The following BCAS3 variants were observed in gnomAD, a reference collection of about 807,000 sequenced individuals.
BCAS3 encodes BCAS4/BCAS3 fusion.
A neutral mutation model predicts 116.1 loss-of-function variants in BCAS3; 53 were observed. The ratio of observed to expected loss-of-function variants is 0.46; its 90% CI spans 0.37 to 0.57. BCAS3 has a LOEUF of 0.57. BCAS3 is among the 20% of genes least tolerant of loss of function. BCAS3 has a pLI of 0.00. For missense variants in BCAS3, 917 were observed against 1,165.4 expected (o/e 0.79, Z 3.10); for synonymous variants, 391 against 408.2 (o/e 0.96, Z 0.51).
intron 7 of BCAS3, among the ~76,000 whole-genome samples, chr17:60,842,074 T>C (rs958628107): frequency 1.3e-5 from 2 of 152,240 alleles, no homozygotes; most frequent in African/African-American, 4.8e-5. Context: ...TTTTTAGGTA[T>C]GTTATACTTC....
At position 61,388,062 on chromosome 17, in the gene BCAS3, A is replaced by T. The variant is rs1264393838; in HGVS notation, c.2594-3915A>T. ...ACACTTCCCTCATTTCCTGCCACAG[A>T]GCCCCCAGCACTCTCTTTCGGGCCC... is the stretch of plus-strand genomic sequence containing the variant. On this transcript the variant is annotated intron_variant, in intron 23 of 23. Coordinates refer to ENST00000407086, the MANE Select transcript of BCAS3 (RefSeq NM_017679.5). The surrounding 1 kb of genome is among the most constrained non-coding windows in gnomAD (Gnocchi z 6.5). Among the ~76,000 whole-genome samples, 7 of 152,118 alleles carry T rather than the reference A, an allele frequency of 4.6e-5. No individual in the cohort carries two copies. Among genetic ancestry groups the T allele is most frequent in the Admixed American group, 1.3e-4 (2 of 15,280 alleles).
At chr17:60,839,513 A>T (rs1030506172) in intron 7 of BCAS3, among the ~76,000 whole-genome samples, 1 of 151,442 alleles carries the variant, frequency 6.6e-6, no homozygotes, top group Non-Finnish European at 1.5e-5. Context: ...CCCAGTGTTT[A>T]TTGAGAACTC....
At chr17:61,331,243 C>G (rs767957925) in intron 22 of BCAS3, among the ~76,000 whole-genome samples, 1 of 152,138 alleles carries the variant, frequency 6.6e-6, no homozygotes, top group Non-Finnish European at 1.5e-5. Context: ...TTTGGCTGGA[C>G]AGTTGCCAAA....
chr17:60,847,393 T>C (rs983351402), intron 7 of BCAS3, among the ~76,000 whole-genome samples: 3 of 152,222 alleles, frequency 2.0e-5, no homozygotes, highest in African/African-American at 7.2e-5. Context: ...GTTTAACTTT[T>C]TGAGGTACTG....
chr17:61,391,875 G>A lies in BCAS3; in HGVS notation c.2594-102G>A. 3.8e-6 allele frequency: 5 copies of A among 1,315,120 alleles called. No homozygotes were observed. Among genetic ancestry groups the A allele is most frequent in the Non-Finnish European group, 5.3e-6 (5 of 949,796 alleles). The allele number at this position is 1,315,120 out of a possible 1,614,324, so 81.5% of individuals were successfully genotyped here. The stretch of plus-strand genomic sequence containing the variant: ...GATCCCCCTGCGGAAGGACACAAGT[G>A]AACCCAGAATGGTGCCTCAAGGCAG... On this transcript the variant is annotated intron_variant, in intron 23 of 23. Transcript: ENST00000407086. This position sits in a 1 kb window ranked among gnomAD's most constrained non-coding sequence, Gnocchi z 7.7.
At position 61,018,290 on chromosome 17, in the gene BCAS3, G is replaced by GTTTTT. The variant is rs10570881; in HGVS notation, c.1637+2414_1637+2418dup. ...AATTCTTGTCTACCCAAATTCCCCA[G>GTTTTT]TTTTTTTTTTTTTTTTTTTTTTTTT... On this transcript the variant is annotated intron_variant, in intron 16 of 23. Transcript: ENST00000407086. 1.2e-4 allele frequency among the ~76,000 whole-genome samples: 10 copies of GTTTTT among 83,066 alleles called. 1 individual carries two copies. Among genetic ancestry groups the GTTTTT allele is most frequent in the African/African-American group, 2.4e-4 (5 of 20,442 alleles). The allele number at this position is 83,066 out of a possible 152,430, so 54.5% of individuals were successfully genotyped here. A position where few individuals can be genotyped will look rare whatever the true frequency, so the allele number is the denominator to read the frequency against.
In BCAS3 at chr17:61,388,860, G is replaced by A. The variant is rs558123211; in HGVS notation, c.2594-3117G>A. ...GAGCAGAAGGGGTCTGAGAGGAGGC[G>A]TGGAGAAAAGCGCCCACAAAGCTGC... is the stretch of plus-strand genomic sequence containing the variant. On this transcript the variant is annotated intron_variant, in intron 23 of 23. Transcript: ENST00000407086. The surrounding 1 kb of genome is among the most constrained non-coding windows in gnomAD (Gnocchi z 6.5). 3.8e-4 allele frequency: 285 copies of A among 743,842 alleles called. 1 individual carries two copies. In the African/African-American group the frequency reaches 4.4e-3, roughly 11 times the overall value. 46.1% of individuals were successfully genotyped at this position (743,842 alleles called of 1,614,324 possible).
At chr17:61,353,359 C>T (rs866584492) in intron 22 of BCAS3, among the ~76,000 whole-genome samples, 4 of 152,298 alleles carry the variant, frequency 2.6e-5, no homozygotes, top group Middle Eastern at 3.4e-3. Flanking sequence ...TATTAAAATG[C>T]AGCTGGTGAC....
intron 7 of BCAS3, among the ~76,000 whole-genome samples, chr17:60,863,282 C>G (rs1233387681): frequency 6.6e-6 from 1 of 152,132 alleles, no homozygotes; most frequent in Non-Finnish European, 1.5e-5. Flanking sequence ...TATACCAGTA[C>G]CATACTATCC....
chr17:61,333,611 CTTTCTTTTTT>C lies in BCAS3; in HGVS notation c.2426-34702_2426-34693del, dbSNP rs1320257847. 2.7e-5 allele frequency among the ~76,000 whole-genome samples: 4 copies of C among 150,254 alleles called. No homozygotes were observed. The South Asian group carries it at 6.3e-4, about 24-fold the overall frequency. On this transcript the variant is annotated intron_variant, in intron 22 of 23. Transcript: ENST00000407086. This position sits in a 1 kb window ranked among gnomAD's most constrained non-coding sequence, Gnocchi z 4.8. ...CTAGAGCTTTATCAAGTTCTTGAAA[CTTTCTTTTTT>C]TTTCTTTTTTTTTTTTTGAGACAGA...
chr17:60,790,471 T>C (rs1314420078), intron 6 of BCAS3, among the ~76,000 whole-genome samples: 1 of 152,132 alleles, frequency 6.6e-6, no homozygotes, highest in East Asian at 1.9e-4. Flanking sequence ...TATAATTAAT[T>C]TGGAACATAA....
intron 22 of BCAS3, among the ~76,000 whole-genome samples, chr17:61,152,355 G>C (rs372823709): frequency 6.6e-6 from 1 of 152,036 alleles, no homozygotes; most frequent in Non-Finnish European, 1.5e-5. Flanking sequence ...GCAATGATTG[G>C]TGCATTTTAC....
intron 15 of BCAS3, among the ~76,000 whole-genome samples, chr17:61,014,313 T>G (rs2065299038): frequency 3.9e-5 from 6 of 152,198 alleles, no homozygotes; most frequent in Admixed American, 3.3e-4. Flanking sequence ...ACCCATCAAT[T>G]AATAAGACTC....
intron 2 of BCAS3, among the ~76,000 whole-genome samples, chr17:60,683,171 A>C (rs1042207106): frequency 4.6e-5 from 7 of 152,266 alleles, no homozygotes; most frequent in African/African-American, 1.4e-4. Flanking sequence ...TCTACCAGAA[A>C]ATGTAGACTG....
chr17:60,976,871 C>T (rs2062419059), intron 14 of BCAS3, among the ~76,000 whole-genome samples: 1 of 152,214 alleles, frequency 6.6e-6, no homozygotes, highest in Admixed American at 6.5e-5. Flanking sequence ...TCTGATCTCT[C>T]TTTCTTTTCC....
At chr17:60,684,840 T>C (rs1260277232) in intron 3 of BCAS3, among the ~76,000 whole-genome samples, 1 of 152,130 alleles carries the variant, frequency 6.6e-6, no homozygotes, top group Non-Finnish European at 1.5e-5. Context: ...AAAAAGGACA[T>C]TCATAGATCC....
intron 18 of BCAS3, 83 bp from the exon 19 acceptor site, chr17:61,040,709 C>G (rs2145619894): frequency 1.1e-5 from 12 of 1,100,172 alleles, no homozygotes; most frequent in Middle Eastern, 2.0e-4. Context: ...GTTTAAGTCA[C>G]TGTTCATAAG....
intron 23 of BCAS3, among the ~76,000 whole-genome samples, chr17:61,369,170 C>T (rs1382577874): frequency 1.3e-5 from 2 of 152,236 alleles, no homozygotes; most frequent in Non-Finnish European, 2.9e-5. Context: ...TACAGCCTGC[C>T]TCTTCTTTCC....
At chr17:60,942,920 A>T (rs1282817541) in intron 13 of BCAS3, among the ~76,000 whole-genome samples, 1 of 152,184 alleles carries the variant, frequency 6.6e-6, no homozygotes, top group Non-Finnish European at 1.5e-5. Flanking sequence ...ATACAACTGA[A>T]CAGGCACATA....
Sources: gnomAD v4.1 joint callset for allele counts (sites outside exome capture counted in the v4.1 genomes callset) on GRCh38, gnomAD v4.1.1 for gene constraint, Gnocchi (gnomAD v3.1) non-coding constraint, MANE v1.5 for transcripts, NCBI Gene and HGNC (gene_info 2026-07-23, HGNC 2026-07-21) for gene names.